FMN2: variants seen among roughly 807,000 people sequenced by gnomAD.
FMN2 encodes the protein formin-2.
A neutral mutation model predicts 142.3 loss-of-function variants in FMN2; 51 were observed. That is an observed-to-expected ratio of 0.36 (90% CI 0.29 to 0.45). The LOEUF (loss-of-function observed/expected upper bound fraction) is 0.45, where lower values mean the gene tolerates loss of function less well. Among genes scored for constraint, FMN2 ranks in the 20% least tolerant of loss-of-function variants. The pLI is 1.00. For missense variants in FMN2, 1,936 were observed against 2,122.8 expected (o/e 0.91, Z 1.73); for synonymous variants, 882 against 869.8 (o/e 1.01, Z -0.25).
intron 15 of FMN2, among the ~76,000 whole-genome samples, chr1:240,405,053 G>A (rs1674101568): frequency 6.6e-6 from 1 of 152,100 alleles, no homozygotes; most frequent in Non-Finnish European, 1.5e-5. Flanking sequence ...TGTTGGCCTA[G>A]AACAGACTAA....
intron 4 of FMN2, among the ~76,000 whole-genome samples, chr1:240,191,300 C>G (rs1665687259): frequency 6.6e-6 from 1 of 152,204 alleles, no homozygotes; most frequent in Non-Finnish European, 1.5e-5. Flanking sequence ...ACACATGACT[C>G]ATAAAGCCTT....
At chr1:240,096,750 C>T (rs929439268) in intron 1 of FMN2, among the ~76,000 whole-genome samples, 3 of 152,110 alleles carry the variant, frequency 2.0e-5, no homozygotes, top group African/African-American at 4.8e-5. Flanking sequence ...AGATGTTTTT[C>T]GCTTTTTACC....
intron 7 of FMN2, among the ~76,000 whole-genome samples, chr1:240,286,542 G>T (rs1304294605): frequency 6.6e-6 from 1 of 152,134 alleles, no homozygotes; most frequent in East Asian, 1.9e-4. Flanking sequence ...ATCATTTTAA[G>T]GTCTACGAAA....
chr1:240,374,859 C>T (rs574858216), intron 14 of FMN2, among the ~76,000 whole-genome samples: 18 of 152,294 alleles, frequency 1.2e-4, no homozygotes, highest in African/African-American at 4.3e-4. Context: ...ATTCTCTCTC[C>T]ACTTTGGACA....
intron 2 of FMN2, among the ~76,000 whole-genome samples, chr1:240,128,920 A>T (rs550774116): frequency 1.2e-3 from 185 of 152,134 alleles, no homozygotes; most frequent in Middle Eastern, 3.4e-3. Context: ...GCTGCCCAGG[A>T]TGGAGTGCAG....
At chr1:240,263,689 C>T (rs1327056096) in intron 7 of FMN2, among the ~76,000 whole-genome samples, 2 of 152,152 alleles carry the variant, frequency 1.3e-5, no homozygotes, top group Non-Finnish European at 2.9e-5. Flanking sequence ...CTTAGACACT[C>T]CCTCTGCAAA....
chr1:240,419,285 T>A (rs951104483), intron 15 of FMN2, among the ~76,000 whole-genome samples: 1 of 152,188 alleles, frequency 6.6e-6, no homozygotes, highest in African/African-American at 2.4e-5. Context: ...CTATCTCTTT[T>A]CTGGTAATGC....
chr1:240,266,873 G>T (rs1459272148), intron 7 of FMN2, among the ~76,000 whole-genome samples: 1 of 152,084 alleles, frequency 6.6e-6, no homozygotes, highest in Non-Finnish European at 1.5e-5. Flanking sequence ...AATAAATGGT[G>T]CTAGATGGCC....
At chr1:240,164,768 C>T (rs555277440) in intron 2 of FMN2, among the ~76,000 whole-genome samples, 13 of 152,206 alleles carry the variant, frequency 8.5e-5, no homozygotes, top group African/African-American at 2.4e-4. Context: ...TTTTTTATAG[C>T]AGTTTTACTG....
rs188533984 is a variant in FMN2, at chr1:240,335,769, T to C, written c.4765+1540T>C. 2.0e-5 allele frequency among the ~76,000 whole-genome samples: 3 copies of C among 152,278 alleles called. No homozygotes were observed. The East Asian group carries it at 5.8e-4, about 29-fold the overall frequency. ...TTACTATAGGCATTAAACATACATG[T>C]AATTATGAAAATGGCAAGTTCTTGC... On this transcript the variant is annotated intron_variant, in intron 13 of 17. Coordinates refer to ENST00000319653, the MANE Select transcript of FMN2 (RefSeq NM_020066.5).
chr1:240,225,176 T>A (rs7520065), intron 6 of FMN2, among the ~76,000 whole-genome samples: 35 of 152,098 alleles, frequency 2.3e-4, no homozygotes, highest in Non-Finnish European at 4.9e-4. Flanking sequence ...TGCAGTCATC[T>A]CTGGCAGTCT....
At chr1:240,228,303 CAAAAAAAAAAAAAAAA>C (rs577421634) in intron 6 of FMN2, among the ~76,000 whole-genome samples, 9 of 47,748 alleles carry the variant, frequency 1.9e-4, no homozygotes, top group African/African-American at 4.8e-4. Flanking sequence ...AACTCTGTCT[CAAAAAAAAAAAAAAAA>C]AAAAAAAAAA....
chr1:240,410,406 T>C (rs1054256940), intron 15 of FMN2, among the ~76,000 whole-genome samples: 5 of 152,144 alleles, frequency 3.3e-5, no homozygotes, highest in African/African-American at 9.7e-5. Context: ...TTGCAATAAT[T>C]GAAGCAAACT....
At chr1:240,242,573 C>A (rs1667946680) in intron 6 of FMN2, among the ~76,000 whole-genome samples, 1 of 152,160 alleles carries the variant, frequency 6.6e-6, no homozygotes, top group Non-Finnish European at 1.5e-5. Context: ...GATGATGTTA[C>A]AACCAGGAGA....
In FMN2 at chr1:240,330,616, G is replaced by T; in HGVS notation, c.4451G>T (p.Gly1484Val). ...LQKLCETLKN[G>V]PGVMQVLGLV... ...TCTGTTTTACAGACATTAAAAAATG[G>T]CCCAGGGGTTATGCAGGTTCTAGGT... The change falls in exon 11 of 18, where the codon GGC becomes GTC. Residue 1484 changes from glycine to valine, a missense_variant. Gly to Val is a moderately radical substitution (Grantham distance 109). Coordinates refer to ENST00000319653, the MANE Select transcript of FMN2 (RefSeq NM_020066.5). 4 of 1,613,618 alleles carry T rather than the reference G, an allele frequency of 2.5e-6. No individual in the cohort carries two copies. Among genetic ancestry groups the T allele is most frequent in the Non-Finnish European group, 3.4e-6 (4 of 1,179,810 alleles).
At chr1:240,157,797 C>CT (rs968384022) in intron 2 of FMN2, among the ~76,000 whole-genome samples, 4 of 151,762 alleles carry the variant, frequency 2.6e-5, no homozygotes, top group African/African-American at 9.7e-5. Flanking sequence ...AAATTAGATA[C>CT]TTTTTTTAAA....
At chr1:240,107,524 A>G (rs916791906) in intron 1 of FMN2, among the ~76,000 whole-genome samples, 5 of 152,194 alleles carry the variant, frequency 3.3e-5, no homozygotes, top group Admixed American at 3.3e-4. Context: ...GTCTTTCTAT[A>G]GTTTTTCCCT....
intron 4 of FMN2, 40 bp from the exon 5 acceptor site, chr1:240,206,759 T>C: frequency 6.4e-7 from 1 of 1,557,846 alleles, no homozygotes; most frequent in Non-Finnish European, 8.7e-7. Flanking sequence ...CATTTTTCCT[T>C]ATTTCATAAC....
chr1:240,473,915 T>C lies in FMN2; in HGVS notation c.5143-213T>C, dbSNP rs1215762264. On this transcript the variant is annotated intron_variant, in intron 17 of 17. Transcript: ENST00000319653. This position sits in a 1 kb window ranked among gnomAD's most constrained non-coding sequence, Gnocchi z 4.3. ...GTTAAATTTTTAAAACTTTTTTTTTTCTCAAAAGTATTTGGCGATTTGTCT... is the reference window on the plus strand; with the variant it reads ...GTTAAATTTTTAAAACTTTTTTTTTCCTCAAAAGTATTTGGCGATTTGTCT... Among the ~76,000 whole-genome samples the C allele has an allele frequency of 3.3e-5, 5 of 151,844 alleles. No homozygotes were observed. Among genetic ancestry groups the C allele is most frequent in the Non-Finnish European group, 7.4e-5 (5 of 67,964 alleles).
Sources: gnomAD v4.1 joint callset for allele counts (sites outside exome capture counted in the v4.1 genomes callset) on GRCh38, gnomAD v4.1.1 for gene constraint, Gnocchi (gnomAD v3.1) non-coding constraint, MANE v1.5 for transcripts, NCBI Gene and HGNC (gene_info 2026-07-23, HGNC 2026-07-21) for gene names.